GALR1: variants seen among roughly 807,000 people sequenced by gnomAD.
The protein encoded by GALR1 is galanin receptor type 1.
In GALR1, 11 loss-of-function variants were observed where a neutral mutation model predicts 17.9. That is an observed-to-expected ratio of 0.62 (90% CI 0.39 to 1.02). The LOEUF is 1.02. Among genes scored for constraint, GALR1 ranks in the 50% least tolerant of loss-of-function variants. The probability of loss-of-function intolerance (pLI) is 0.01; values close to 1 mark genes in which losing one functional copy is unlikely to be tolerated. For missense variants in GALR1, 441 were observed against 456.9 expected (o/e 0.97, Z 0.32); for synonymous variants, 206 against 205.7 (o/e 1.00, Z -0.01).
intron 2 of GALR1, among the ~76,000 whole-genome samples, chr18:77,262,369 C>G (rs1912850481): frequency 6.6e-6 from 1 of 152,152 alleles, no homozygotes; most frequent in African/African-American, 2.4e-5. Flanking sequence ...CCGAGTTTGA[C>G]AGTGTGGAGC....
intron 2 of GALR1, among the ~76,000 whole-genome samples, chr18:77,258,782 G>T (rs1488475878): frequency 9.8e-5 from 13 of 132,130 alleles, no homozygotes; most frequent in African/African-American, 3.8e-4. Context: ...AGTGATGGTG[G>T]TGGTGGTGGT....
chr18:77,270,523 T>C lies in GALR1; in HGVS notation c.*1621T>C, dbSNP rs1333588850. 8.4e-6 allele frequency: 1 copy of C among 119,018 alleles called. No homozygotes were observed. The highest frequency in any genetic ancestry group is 1.8e-5 in the Non-Finnish European group (1 of 56,002). The allele number at this position is 119,018 out of a possible 1,614,324, so 7.4% of individuals were successfully genotyped here. The stretch of plus-strand genomic sequence containing the variant: ...AGTAAGACTCTGTCTAAAATATATA[T>C]ATATATGTGTGTGTGTGTGTGTGTG... On this transcript the variant is annotated 3_prime_UTR_variant, in exon 3 of 3. Transcript: ENST00000299727.
chr18:77,258,424 A>G (rs1298135680), intron 2 of GALR1, among the ~76,000 whole-genome samples: 3 of 151,774 alleles, frequency 2.0e-5, no homozygotes, highest in Admixed American at 1.3e-4. Flanking sequence ...TTGTTTGCAC[A>G]GAATAAATAA....
In GALR1 at chr18:77,252,986, CCAT is replaced by C. The variant is rs1568139235; in HGVS notation, c.666+1775_666+1777del. Among the ~76,000 whole-genome samples the C allele has an allele frequency of 2.5e-3, 115 of 46,398 alleles. 1 individual carries two copies. Among genetic ancestry groups the C allele is most frequent in the Admixed American group, 3.5e-3 (17 of 4,848 alleles). The allele number at this position is 46,398 out of a possible 152,430, so 30.4% of individuals were successfully genotyped here. The stretch of plus-strand genomic sequence containing the variant: ...ACCACCACCATCACCACCATCACCA[CCAT>C]CACCACCACCACCACCACCACCACC... On this transcript the variant is annotated intron_variant, in intron 1 of 2. Transcript: ENST00000299727.
intron 2 of GALR1, among the ~76,000 whole-genome samples, chr18:77,258,809 G>GTGC (rs1912691874): frequency 8.2e-6 from 1 of 121,466 alleles, no homozygotes; most frequent in Non-Finnish European, 1.7e-5. Flanking sequence ...GGTGGTGGTG[G>GTGC]TCATAGTGGT....
At chr18:77,265,650 T>A (rs184493629) in intron 2 of GALR1, among the ~76,000 whole-genome samples, 69 of 152,332 alleles carry the variant, frequency 4.5e-4, no homozygotes, top group Admixed American at 7.8e-4. Flanking sequence ...TGCCTGGGCA[T>A]CCAAGCATTT....
intron 1 of GALR1, among the ~76,000 whole-genome samples, chr18:77,253,423 C>T (rs959985555): frequency 6.6e-6 from 1 of 152,166 alleles, no homozygotes; most frequent in Non-Finnish European, 1.5e-5. Context: ...ACATATATGG[C>T]TGTTAAGTTC....
intron 2 of GALR1, among the ~76,000 whole-genome samples, chr18:77,263,157 A>C (rs536185617): frequency 9.9e-4 from 151 of 152,362 alleles, no homozygotes; most frequent in African/African-American, 3.5e-3. Flanking sequence ...GAAAGAAATG[A>C]TGATGTTTTA....
At position 77,274,256 on chromosome 18, in the gene GALR1, G is replaced by C. The variant is rs1169549369; in HGVS notation, c.*5354G>C. On this transcript the variant is annotated 3_prime_UTR_variant, in exon 3 of 3. Coordinates refer to ENST00000299727, the MANE Select transcript of GALR1 (RefSeq NM_001480.4). Reference sequence around the variant, plus strand: ...AAAAATGCAGATGGTCCTGTGGCTGGTGTGAATGAAGAATGACCTGGGCCC... The same window carrying C: ...AAAAATGCAGATGGTCCTGTGGCTGCTGTGAATGAAGAATGACCTGGGCCC... The C allele has an allele frequency of 6.6e-6, 1 of 152,066 alleles. No homozygotes were observed. Among genetic ancestry groups the C allele is most frequent in the East Asian group, 1.9e-4 (1 of 5,174 alleles). 9.4% of individuals were successfully genotyped at this position (152,066 alleles called of 1,614,324 possible). A position where few individuals can be genotyped will look rare whatever the true frequency, so the allele number is the denominator to read the frequency against.
intron 2 of GALR1, among the ~76,000 whole-genome samples, chr18:77,264,560 C>T (rs34135717): frequency 0.13 from 19,473 of 152,102 alleles, 1,341 homozygotes; most frequent in Admixed American, 0.16. Flanking sequence ...CTTTCCTGCT[C>T]CATGAAACCC....
rs562280905 is a variant in GALR1, at chr18:77,274,520, G to T, written c.*5618G>T. 1 of 152,294 alleles carries T rather than the reference G, an allele frequency of 6.6e-6. No homozygotes were observed. Among genetic ancestry groups the T allele is most frequent in the Admixed American group, 6.5e-5 (1 of 15,286 alleles). 9.4% of individuals were successfully genotyped at this position (152,294 alleles called of 1,614,324 possible). A position where few individuals can be genotyped will look rare whatever the true frequency, so the allele number is the denominator to read the frequency against. On this transcript the variant is annotated 3_prime_UTR_variant, in exon 3 of 3. Transcript: ENST00000299727. ...AATGGACTTGTGCCAAGTACCTAAGGGTTCACTGCCTTGTTTGAGGAATCG... is the reference window on the plus strand; with the variant it reads ...AATGGACTTGTGCCAAGTACCTAAGTGTTCACTGCCTTGTTTGAGGAATCG...
chr18:77,259,302 ATGATGGTGG>A (rs1488960480), intron 2 of GALR1, among the ~76,000 whole-genome samples: 1 of 40,236 alleles, frequency 2.5e-5, no homozygotes, highest in Non-Finnish European at 7.2e-5. Flanking sequence ...CATGGTGGTG[ATGATGGTGG>A]TGATGATGGT....
intron 2 of GALR1, among the ~76,000 whole-genome samples, chr18:77,258,745 TATG>T (rs1394754014): frequency 2.4e-5 from 1 of 42,114 alleles, no homozygotes; most frequent in African/African-American, 8.4e-5. Flanking sequence ...TGATGATGGT[TATG>T]GTGGTGATGA....
At chr18:77,265,663 A>G (rs1238279883) in intron 2 of GALR1, among the ~76,000 whole-genome samples, 3 of 152,212 alleles carry the variant, frequency 2.0e-5, no homozygotes, top group Admixed American at 1.3e-4. Flanking sequence ...AAGCATTTCC[A>G]TACATCCTCT....
At chr18:77,260,937 G>GTTGTTTC (rs1256362790) in intron 2 of GALR1, among the ~76,000 whole-genome samples, 2 of 151,008 alleles carry the variant, frequency 1.3e-5, no homozygotes, top group Non-Finnish European at 3.0e-5. Flanking sequence ...TGCTTTTTTT[G>GTTGTTTC]TTGTTTCTTT....
rs1296242530 is a variant in GALR1, at chr18:77,272,176, A to G, written c.*3274A>G. 1 of 152,234 alleles carries G rather than the reference A, an allele frequency of 6.6e-6. No homozygotes were observed. The highest frequency in any genetic ancestry group is 6.5e-5 in the Admixed American group (1 of 15,278). The allele number at this position is 152,234 out of a possible 1,614,324, so 9.4% of individuals were successfully genotyped here. ...CAGATAAATTCATCTTTCAGCGCAG[A>G]TATAACAAATCAGAGTGGGGAGGAG... On this transcript the variant is annotated 3_prime_UTR_variant, in exon 3 of 3. Coordinates refer to ENST00000299727, the MANE Select transcript of GALR1 (RefSeq NM_001480.4).
chr18:77,259,035 C>G (rs796969699), intron 2 of GALR1, among the ~76,000 whole-genome samples: 68 of 5,330 alleles, frequency 0.013, 14 homozygotes, highest in African/African-American at 0.023. Flanking sequence ...TGGTGGTGGT[C>G]ATGATGGTCA....
intron 2 of GALR1, among the ~76,000 whole-genome samples, chr18:77,265,946 T>G (rs947346323): frequency 5.9e-5 from 9 of 152,204 alleles, no homozygotes; most frequent in Non-Finnish European, 1.2e-4. Flanking sequence ...ACCTCTGATG[T>G]GCCCTGGAAA....
At chr18:77,253,257 T>C (rs370697540) in intron 1 of GALR1, among the ~76,000 whole-genome samples, 2 of 152,290 alleles carry the variant, frequency 1.3e-5, no homozygotes, top group South Asian at 2.1e-4. Context: ...TATTTTATTA[T>C]TTAAGGAAAA....
Sources: allele counts gnomAD v4.1 joint callset (sites outside exome capture counted in the v4.1 genomes callset), GRCh38; gene constraint gnomAD v4.1.1; transcripts MANE v1.5; gene names NCBI Gene and HGNC (gene_info 2026-07-23, HGNC 2026-07-21).